UTY: variants seen among roughly 807,000 people sequenced by gnomAD.
UTY encodes the protein histone demethylase UTY.
Under a neutral mutation model 32.5 loss-of-function variants are expected in UTY, and 12 were observed. The observed-to-expected ratio is 0.37, with a 90% CI of 0.24 to 0.60. UTY has a LOEUF of 0.60. UTY is among the 20% of genes least tolerant of loss of function. The probability of loss-of-function intolerance (pLI) is 0.69; values close to 1 mark genes in which losing one functional copy is unlikely to be tolerated. For synonymous variants in UTY, 131 were observed against 103.4 expected, an observed-to-expected ratio of 1.27 and a Z score of -1.62; for missense variants, 303 against 299.2, an observed-to-expected ratio of 1.01 and a Z score of -0.09.
At chrY:13,358,905 A>G in intron 13 of UTY, among the ~76,000 whole-genome samples, 183 bp downstream of exon 13, 1 of 33,150 alleles carries the variant, frequency 3.0e-5, no homozygotes, top group African/African-American at 1.2e-4. Flanking sequence ...TTCCCATATC[A>G]GAGGGAATTT....
Position 13,323,547 on chromosome Y carries a change from A to G in UTY, c.3276+8T>C. 1 of 389,961 alleles carries G rather than the reference A, an allele frequency of 2.6e-6. No homozygotes were observed. Among genetic ancestry groups the G allele is most frequent in the Non-Finnish European group, 3.6e-6 (1 of 275,923 alleles). On this transcript the variant is annotated splice_region_variant and intron_variant, in intron 21 of 29. Transcript: ENST00000545955. Reference sequence around the variant, plus strand: ...CAACAATTAAAAAAGGAAGAAAGAAAAACTTACTCTCAATGATTCCTGGAA... The same window carrying G: ...CAACAATTAAAAAAGGAAGAAAGAAGAACTTACTCTCAATGATTCCTGGAA...
chrY:13,303,817 A>T (rs2058515270), intron 24 of UTY, among the ~76,000 whole-genome samples: 1 of 33,578 alleles, frequency 3.0e-5, no homozygotes, highest in East Asian at 7.7e-4. Context: ...TTTCATTTTC[A>T]CTGTGAAAAT....
chrY:13,303,057 A>C, intron 24 of UTY, 66 bp from the exon 25 acceptor site: 1 of 195,135 alleles, frequency 5.1e-6, no homozygotes, highest in South Asian at 4.4e-5. Flanking sequence ...TGTGCCTTTA[A>C]ATTACTGGAT....
intron 28 of UTY, among the ~76,000 whole-genome samples, chrY:13,241,305 GA>G (rs2053898444): frequency 3.1e-5 from 1 of 31,976 alleles, no homozygotes; most frequent in Non-Finnish European, 7.6e-5. Flanking sequence ...AGATTAAAAT[GA>G]AAAAAATTTA....
At chrY:13,257,833 C>G in intron 28 of UTY, among the ~76,000 whole-genome samples, 1 of 32,362 alleles carries the variant, frequency 3.1e-5, no homozygotes, top group Non-Finnish European at 7.6e-5. Context: ...TGAGCAACAC[C>G]CGTCGAACAC....
chrY:13,404,105 C>T (rs2069497717), intron 6 of UTY, among the ~76,000 whole-genome samples: 2 of 32,833 alleles, frequency 6.1e-5, no homozygotes, highest in Non-Finnish European at 1.5e-4. Flanking sequence ...TAACAATAAA[C>T]AAACATAATC....
In UTY at chrY:13,410,990, T is replaced by C; in HGVS notation, c.555+3A>G. The stretch of plus-strand genomic sequence containing the variant: ...GTATGTGGGAAAAATCTCAACCACC[T>C]ACCTTTAAACTAGACTTGTAGTCTG... On this transcript the variant is annotated splice_donor_region_variant and intron_variant, in intron 6 of 29. Coordinates refer to ENST00000545955, the MANE Select transcript of UTY (RefSeq NM_001258249.2). 2.5e-6 allele frequency: 1 copy of C among 397,655 alleles called. No homozygotes were observed. Among genetic ancestry groups the C allele is most frequent in the Non-Finnish European group, 3.5e-6 (1 of 282,912 alleles).
chrY:13,308,817 A>G, intron 21 of UTY, among the ~76,000 whole-genome samples: 2 of 33,709 alleles, frequency 5.9e-5, no homozygotes, highest in African/African-American at 2.3e-4. Flanking sequence ...TTCCTCCACC[A>G]AAAACGGTTT....
At chrY:13,248,019 AAATATC>A (rs2053970184), downstream of UTY, among the ~76,000 whole-genome samples, 1 of 33,857 alleles carries the variant, frequency 3.0e-5, no homozygotes, top group Non-Finnish European at 7.4e-5. Context: ...AAAATTACAA[AAATATC>A]AGCATTTAAA....
intron 20 of UTY, among the ~76,000 whole-genome samples, chrY:13,324,217 G>GT (rs2060036748): frequency 3.6e-4 from 10 of 27,436 alleles, no homozygotes; most frequent in East Asian, 9.2e-4. Flanking sequence ...TTCTCCAAAA[G>GT]TTTTTTTTTT....
At chrY:13,386,092 ATTTTTTTTTTTTTTTTTTTT>A (rs1416950038) in intron 8 of UTY, among the ~76,000 whole-genome samples, 1 of 16,475 alleles carries the variant, frequency 6.1e-5, no homozygotes, top group Non-Finnish European at 1.4e-4. Context: ...AGTCTATTTC[ATTTTTTTTTTTTTTTTTTTT>A]TTTTTTGAGA....
chrY:13,303,001 A>G lies in UTY; in HGVS notation c.3566-10T>C, dbSNP rs1341688266. 1.0e-5 allele frequency: 3 copies of G among 299,915 alleles called. No individual in the cohort carries two copies. The highest frequency in any genetic ancestry group is 8.7e-5 in the Admixed American group (1 of 11,556). 74.8% of individuals were successfully genotyped at this position (299,915 alleles called of 400,897 possible). On this transcript the variant is annotated splice_polypyrimidine_tract_variant and intron_variant, in intron 24 of 29. Coordinates refer to ENST00000545955, the MANE Select transcript of UTY (RefSeq NM_001258249.2). Reference sequence around the variant, plus strand: ...TTATTTTCTTGGTGACCTGAAAAGTAAAAGAAAATGTAAGTCACAATTGTA... The same window carrying G: ...TTATTTTCTTGGTGACCTGAAAAGTGAAAGAAAATGTAAGTCACAATTGTA...
intron 28 of UTY, among the ~76,000 whole-genome samples, chrY:13,243,337 A>T: frequency 6.0e-5 from 2 of 33,328 alleles, no homozygotes; most frequent in Admixed American, 2.7e-4. Context: ...TCAGACTTAA[A>T]GACCTAAAAG....
intron 27 of UTY, among the ~76,000 whole-genome samples, chrY:13,265,204 G>C: frequency 3.0e-5 from 1 of 33,491 alleles, no homozygotes; most frequent in Non-Finnish European, 7.4e-5. Flanking sequence ...TTTTTGCTTA[G>C]GATTGCCTTG....
At chrY:13,437,883 CAA>C (rs2074782508) in intron 4 of UTY, among the ~76,000 whole-genome samples, 1 of 29,455 alleles carries the variant, frequency 3.4e-5, no homozygotes, top group Non-Finnish European at 8.1e-5. Context: ...GAAGGATTGC[CAA>C]AGAGGCATGG....
At chrY:13,262,762 C>A (rs2055409303) in intron 27 of UTY, among the ~76,000 whole-genome samples, 1 of 31,199 alleles carries the variant, frequency 3.2e-5, no homozygotes, top group African/African-American at 1.3e-4. Flanking sequence ...CGGGGTTGCA[C>A]AATGTTGGCC....
chrY:13,276,726 AC>A (rs2056717986), intron 27 of UTY, among the ~76,000 whole-genome samples: 1 of 30,628 alleles, frequency 3.3e-5, no homozygotes, highest in African/African-American at 1.3e-4. Context: ...GTCTCAAAAA[AC>A]CCCCCCCAAA....
chrY:13,239,127 C>A, intron 28 of UTY, among the ~76,000 whole-genome samples: 1 of 32,776 alleles, frequency 3.1e-5, no homozygotes, highest in East Asian at 8.0e-4. Context: ...CAAAAAGACA[C>A]GTCATTAAAA....
intron 2 of UTY, among the ~76,000 whole-genome samples, chrY:13,470,961 C>T: frequency 3.0e-5 from 1 of 33,179 alleles, no homozygotes; most frequent in Non-Finnish European, 7.4e-5. Context: ...AGATTTCACA[C>T]AAACTTTGGT....
Sources: gnomAD v4.1 joint callset for allele counts (sites outside exome capture counted in the v4.1 genomes callset) on GRCh38, gnomAD v4.1.1 for gene constraint, MANE v1.5 for transcripts, NCBI Gene and HGNC (gene_info 2026-07-23, HGNC 2026-07-21) for gene names.